DTX4: variants seen among roughly 807,000 people sequenced by gnomAD.
DTX4 encodes E3 ubiquitin-protein ligase DTX4.
In DTX4, 28 loss-of-function variants were observed where a neutral mutation model predicts 57.6. That is an observed-to-expected ratio of 0.49 (90% CI 0.36 to 0.67). The LOEUF is 0.67. Ranked by LOEUF, DTX4 falls within the 30% of genes least tolerant of loss-of-function variation. The probability of loss-of-function intolerance (pLI) is 0.00; values close to 1 mark genes in which losing one functional copy is unlikely to be tolerated. For missense variants in DTX4, 715 were observed against 836.8 expected, an observed-to-expected ratio of 0.85 and a Z score of 1.80; for synonymous variants, 316 against 331.0, an observed-to-expected ratio of 0.95 and a Z score of 0.49.
chr11:59,182,664 T>C (rs941727059), intron 2 of DTX4, among the ~76,000 whole-genome samples: 1 of 152,204 alleles, frequency 6.6e-6, no homozygotes, highest in South Asian at 2.1e-4. Context: ...ATCTGGACTC[T>C]GGTTGAGACT....
chr11:59,196,731 C>T (rs192915272), intron 7 of DTX4, among the ~76,000 whole-genome samples: 47 of 152,142 alleles, frequency 3.1e-4, no homozygotes, highest in Non-Finnish European at 4.3e-4. Context: ...GGATCTAGGT[C>T]GTGCACTCCT....
chr11:59,176,020 A>C lies in DTX4; in HGVS notation c.211+3214A>C, dbSNP rs577659327. ...CCCTGTGCCAGTGATGATACTGATA[A>C]GCACAGGGTAAAGGAGCGTTCTTTC... is the stretch of plus-strand genomic sequence containing the variant. On this transcript the variant is annotated intron_variant, in intron 1 of 8. Transcript: ENST00000227451. Among the ~76,000 whole-genome samples the C allele has an allele frequency of 4.6e-5, 7 of 152,326 alleles. No individual in the cohort carries two copies. In the East Asian group the frequency reaches 1.3e-3, roughly 29 times the overall value.
intron 6 of DTX4, among the ~76,000 whole-genome samples, chr11:59,192,647 A>G (rs1862614635): frequency 6.6e-6 from 1 of 152,154 alleles, no homozygotes; most frequent in Admixed American, 6.5e-5. Context: ...CGTTCATACC[A>G]TTGTAAATGG....
intron 1 of DTX4, among the ~76,000 whole-genome samples, chr11:59,180,542 G>A (rs1466960055): frequency 6.6e-6 from 1 of 152,190 alleles, no homozygotes; most frequent in Non-Finnish European, 1.5e-5. Flanking sequence ...TGGGTCAGAG[G>A]CTGGTGAAGG....
rs936326550 is a variant in DTX4 at position 59,206,449 on chromosome 11, G to A, written c.*1540G>A. 4.6e-5 allele frequency: 7 copies of A among 151,770 alleles called. No homozygotes were observed. Among genetic ancestry groups the A allele is most frequent in the Admixed American group, 4.6e-4 (7 of 15,200 alleles). 9.4% of individuals were successfully genotyped at this position (151,770 alleles called of 1,614,324 possible). ...AGTGGGTTCTTTGAACTATGTGTTT[G>A]GGGGAAGTTCCTCTGGATACTAATT... On this transcript the variant is annotated 3_prime_UTR_variant, in exon 9 of 9. Coordinates refer to ENST00000227451, the MANE Select transcript of DTX4 (RefSeq NM_015177.2).
At chr11:59,190,207 A>G (rs530933126) in intron 4 of DTX4, among the ~76,000 whole-genome samples, 13 of 152,244 alleles carry the variant, frequency 8.5e-5, no homozygotes, top group Non-Finnish European at 1.9e-4. Context: ...TTCCCTGCTT[A>G]AATGAGCTCA....
Position 59,192,179 on chromosome 11 carries a change from G to A in DTX4, c.1303G>A (p.Gly435Arg). The change falls in exon 6 of 9, where the codon GGG becomes AGG. Residue 435 changes from glycine (G) to arginine (R), a missense_variant. Physicochemically the swap from Gly to Arg is moderately radical, Grantham distance 125. Coordinates refer to ENST00000227451, the MANE Select transcript of DTX4 (RefSeq NM_015177.2). ...GCCTACGGTAAAACCTGACCTGGTA[G>A]GGAAGCTGTCCAGATGCGGCCACGT... ...PQPTVKPDLV[G>R]KLSRCGHVYH... 1.2e-6 allele frequency: 2 copies of A among 1,613,952 alleles called. No individual in the cohort carries two copies. The highest frequency in any genetic ancestry group is 1.7e-6 in the Non-Finnish European group (2 of 1,179,880).
At chr11:59,189,129 A>C in intron 3 of DTX4, 33 bp from the exon 4 acceptor site, 2 of 1,611,378 alleles carry the variant, frequency 1.2e-6, no homozygotes, top group Non-Finnish European at 1.7e-6. Context: ...CTAAGTCTCC[A>C]GTCTTTCCTC....
chr11:59,199,573 C>G, intron 7 of DTX4, 111 bp from the exon 8 acceptor site: 1 of 875,310 alleles, frequency 1.1e-6, no homozygotes. Context: ...TCTGTTGAAG[C>G]TTTATGGGAA....
intron 4 of DTX4, 63 bp downstream of exon 4, chr11:59,189,386 G>A: frequency 6.9e-7 from 1 of 1,455,796 alleles, no homozygotes; most frequent in East Asian, 2.5e-5. Flanking sequence ...CCCTGAGTCT[G>A]CCTCAACCTC....
intron 7 of DTX4, among the ~76,000 whole-genome samples, chr11:59,197,805 G>A (rs1467052042): frequency 6.6e-6 from 1 of 152,108 alleles, no homozygotes; most frequent in Non-Finnish European, 1.5e-5. Flanking sequence ...TGAAAAAACA[G>A]GACTTGGGAG....
chr11:59,196,603 G>A (rs1862674387), intron 7 of DTX4, among the ~76,000 whole-genome samples: 1 of 152,220 alleles, frequency 6.6e-6, no homozygotes, highest in Admixed American at 6.5e-5. Flanking sequence ...GGGCCGCACA[G>A]TAGGAGGTGA....
chr11:59,174,297 T>G (rs1862367940), intron 1 of DTX4, among the ~76,000 whole-genome samples: 2 of 151,084 alleles, frequency 1.3e-5, no homozygotes, highest in African/African-American at 4.9e-5. Context: ...GTGGGGAGAT[T>G]GAGAAAGAGG....
rs377422945 is a variant in DTX4 at position 59,181,720 on chromosome 11, C to T, written c.212-19C>T. ...AATTGCATGCTGACTCTGACCTCTC[C>T]CCTATCCCACCCTGGCAGGAACTCT... On this transcript the variant is annotated intron_variant, in intron 1 of 8. Coordinates refer to ENST00000227451, the MANE Select transcript of DTX4 (RefSeq NM_015177.2). 4.4e-6 allele frequency: 7 copies of T among 1,578,322 alleles called. No individual in the cohort carries two copies. The highest frequency in any genetic ancestry group is 3.5e-5 in the Admixed American group (2 of 57,966).
intron 8 of DTX4, 44 bp from the exon 9 acceptor site, chr11:59,204,632 G>T: frequency 6.5e-7 from 1 of 1,545,542 alleles, no homozygotes; most frequent in Non-Finnish European, 8.8e-7. Flanking sequence ...GTCTTTGACT[G>T]CCAATTAATG....
chr11:59,193,726 G>T (rs1322595181), intron 6 of DTX4, among the ~76,000 whole-genome samples: 1 of 152,194 alleles, frequency 6.6e-6, no homozygotes, highest in Non-Finnish European at 1.5e-5. Flanking sequence ...AAGGGCCCAA[G>T]AAGAAAGGAG....
At chr11:59,191,611 C>T (rs1862600224) in intron 5 of DTX4, among the ~76,000 whole-genome samples, 2 of 152,200 alleles carry the variant, frequency 1.3e-5, no homozygotes, top group African/African-American at 4.8e-5. Context: ...GTGCTAACCA[C>T]CCTACAATGC....
intron 1 of DTX4, among the ~76,000 whole-genome samples, chr11:59,173,379 G>A (rs1479763274): frequency 6.6e-6 from 1 of 152,206 alleles, no homozygotes; most frequent in Non-Finnish European, 1.5e-5. Context: ...GCTACAGTCG[G>A]GTAAGGGAAG....
intron 1 of DTX4, among the ~76,000 whole-genome samples, chr11:59,179,921 G>GACACAC (rs145272277): frequency 4.7e-5 from 7 of 148,294 alleles, no homozygotes; most frequent in African/African-American, 7.4e-5. Context: ...TACACACACA[G>GACACAC]ACACACACAC....
Sources: gnomAD v4.1 joint callset for allele counts (sites outside exome capture counted in the v4.1 genomes callset) on GRCh38, gnomAD v4.1.1 for gene constraint, MANE v1.5 for transcripts, NCBI Gene and HGNC (gene_info 2026-07-23, HGNC 2026-07-21) for gene names.